PCDH15: variants seen among roughly 807,000 people sequenced by gnomAD.
The protein encoded by PCDH15 is protocadherin related 15, also known as protocadherin-15.
Under a neutral mutation model 178.5 loss-of-function variants are expected in PCDH15, and 129 were observed. The ratio of observed to expected loss-of-function variants is 0.72; its 90% CI spans 0.63 to 0.84. The LOEUF is 0.84. Ranked by LOEUF, PCDH15 falls within the 40% of genes least tolerant of loss-of-function variation. The probability of loss-of-function intolerance (pLI) is 0.00; values close to 1 mark genes in which losing one functional copy is unlikely to be tolerated. For missense variants in PCDH15, 2,230 were observed against 2,099.9 expected (o/e 1.06, Z -1.21); for synonymous variants, 800 against 732.0 (o/e 1.09, Z -1.50).
intron 1 of PCDH15, among the ~76,000 whole-genome samples, chr10:55,238,439 C>T (rs937265106): frequency 6.6e-6 from 1 of 151,944 alleles, no homozygotes; most frequent in African/African-American, 2.4e-5. Flanking sequence ...CGTGAGCCAC[C>T]GCGCCCGGCC....
chr10:55,019,282 T>C (rs1268729071), intron 2 of PCDH15, among the ~76,000 whole-genome samples: 3 of 152,186 alleles, frequency 2.0e-5, no homozygotes, highest in Admixed American at 6.6e-5. Context: ...AGAAATTACA[T>C]GTAGATATTT....
At chr10:54,210,965 A>G (rs1158057057) in intron 10 of PCDH15, among the ~76,000 whole-genome samples, 1 of 152,110 alleles carries the variant, frequency 6.6e-6, no homozygotes, top group Non-Finnish European at 1.5e-5. Context: ...GAGAGACAGT[A>G]AATTATTCAA....
intron 3 of PCDH15, among the ~76,000 whole-genome samples, chr10:54,421,830 A>G (rs1955440975): frequency 1.2e-5 from 1 of 80,548 alleles, no homozygotes; most frequent in African/African-American, 5.4e-5. Flanking sequence ...ATATATATAT[A>G]TATATATACA....
chr10:55,227,636 T>C (rs1841090128), intron 1 of PCDH15, among the ~76,000 whole-genome samples: 1 of 152,084 alleles, frequency 6.6e-6, no homozygotes, highest in African/African-American at 2.4e-5. Flanking sequence ...AAGAGGTCTA[T>C]TGAGAACTAA....
At chr10:55,549,412 GA>G (rs1470628381) in intron 2 of PCDH15, among the ~76,000 whole-genome samples, 1 of 152,090 alleles carries the variant, frequency 6.6e-6, no homozygotes, top group Non-Finnish European at 1.5e-5. Context: ...ACTCCAAGAT[GA>G]TGGGTATGCA....
chr10:55,345,218 T>C (rs1462246383), intron 2 of PCDH15, among the ~76,000 whole-genome samples: 1 of 151,606 alleles, frequency 6.6e-6, no homozygotes, highest in Non-Finnish European at 1.5e-5. Context: ...ATTAAAAAAG[T>C]TGTCTTTTAA....
intron 5 of PCDH15, among the ~76,000 whole-genome samples, chr10:54,351,054 A>G (rs1705681965): frequency 2.6e-5 from 4 of 151,970 alleles, no homozygotes; most frequent in Admixed American, 2.6e-4. Flanking sequence ...CAGTGAGCTG[A>G]GATCGTGGCA....
At chr10:54,901,914 T>A (rs1471231033) in intron 2 of PCDH15, among the ~76,000 whole-genome samples, 1 of 152,146 alleles carries the variant, frequency 6.6e-6, no homozygotes, top group African/African-American at 2.4e-5. Context: ...CAGAAAATCA[T>A]AATTTTATAA....
intron 2 of PCDH15, among the ~76,000 whole-genome samples, chr10:55,353,471 C>T (rs909905054): frequency 1.3e-5 from 2 of 151,956 alleles, no homozygotes; most frequent in African/African-American, 4.8e-5. Context: ...TGGTTCTAGA[C>T]CAGAAATTTG....
intron 1 of PCDH15, among the ~76,000 whole-genome samples, chr10:55,274,735 G>A (rs916011300): frequency 1.3e-5 from 2 of 152,094 alleles, no homozygotes; most frequent in African/African-American, 2.4e-5. Context: ...GGCAGGGGTG[G>A]GGACTGTAGG....
chr10:54,565,696 G>A (rs540015467), intron 2 of PCDH15, among the ~76,000 whole-genome samples: 1 of 152,300 alleles, frequency 6.6e-6, no homozygotes, highest in African/African-American at 2.4e-5. Flanking sequence ...GAAAACTCAT[G>A]AAATTAAAAA....
chr10:53,838,438 A>T (rs928907374), intron 29 of PCDH15, among the ~76,000 whole-genome samples: 1 of 94,118 alleles, frequency 1.1e-5, no homozygotes, highest in Admixed American at 1.3e-4. Flanking sequence ...TCATGGTGTC[A>T]CTTAAAACCC....
At chr10:55,613,802 T>C (rs1170667880) in intron 2 of PCDH15, among the ~76,000 whole-genome samples, 1 of 152,148 alleles carries the variant, frequency 6.6e-6, no homozygotes, top group Non-Finnish European at 1.5e-5. Flanking sequence ...CAGCTTTCAA[T>C]TACTGAATAC....
chr10:53,865,411 T>C (rs2079380213), intron 27 of PCDH15, among the ~76,000 whole-genome samples: 1 of 152,146 alleles, frequency 6.6e-6, no homozygotes, highest in Non-Finnish European at 1.5e-5. Context: ...AACAAAAGAA[T>C]GATGGGTTTA....
intron 15 of PCDH15, among the ~76,000 whole-genome samples, chr10:54,100,393 A>C (rs2094788581): frequency 6.6e-6 from 1 of 152,094 alleles, no homozygotes; most frequent in Non-Finnish European, 1.5e-5. Context: ...TGCTCAATAA[A>C]TTAATTTAAT....
At chr10:54,262,300 G>A (rs1309409769) in intron 8 of PCDH15, among the ~76,000 whole-genome samples, 1 of 152,064 alleles carries the variant, frequency 6.6e-6, no homozygotes, top group Non-Finnish European at 1.5e-5. Context: ...AGTGAACCGT[G>A]CCTGGCCTGC....
chr10:54,025,250 G>A (rs935698837), intron 18 of PCDH15, among the ~76,000 whole-genome samples: 1 of 152,142 alleles, frequency 6.6e-6, no homozygotes, highest in Admixed American at 6.5e-5. Flanking sequence ...AAATTTAGCA[G>A]CTGACACAAA....
chr10:54,408,211 C>T (rs1952963544), intron 3 of PCDH15, among the ~76,000 whole-genome samples: 2 of 150,896 alleles, frequency 1.3e-5, no homozygotes, highest in African/African-American at 2.4e-5. Context: ...CTATATAGAA[C>T]TATATTTTGC....
intron 2 of PCDH15, among the ~76,000 whole-genome samples, chr10:54,561,188 A>C (rs536644951): frequency 6.6e-6 from 1 of 152,276 alleles, no homozygotes; most frequent in African/African-American, 2.4e-5. Context: ...ATCCCCAGGA[A>C]GTTTATTTTC....
Sources: allele counts gnomAD v4.1 joint callset (sites outside exome capture counted in the v4.1 genomes callset), GRCh38; gene constraint gnomAD v4.1.1; transcripts MANE v1.5; gene names NCBI Gene and HGNC (gene_info 2026-07-23, HGNC 2026-07-21).